The following GHR variants were observed in gnomAD, a reference collection of about 807,000 sequenced individuals.
GHR encodes the protein GH receptor.
GHR carries 35 observed loss-of-function variants against 67.1 expected under a neutral mutation model. The observed-to-expected ratio is 0.52, with a 90% confidence interval of 0.40 to 0.69. The LOEUF (loss-of-function observed/expected upper bound fraction) is 0.69, where lower values mean the gene tolerates loss of function less well. Ranked by LOEUF, GHR falls within the 30% of genes least tolerant of loss-of-function variation. The pLI, the probability that GHR is intolerant of heterozygous loss-of-function variation, is 0.00. For synonymous variants in GHR, 272 were observed against 269.1 expected (o/e 1.01, Z -0.10); for missense variants, 792 against 764.6 (o/e 1.04, Z -0.42).
intron 1 of GHR, chr5:42,548,584 T>G (rs186033022): frequency 1.5e-4 from 102 of 697,018 alleles, no homozygotes; most frequent in Non-Finnish European, 1.5e-4. Flanking sequence ...ATAGTCAGGG[T>G]TTTTTTTTTC....
chr5:42,537,249 A>G (rs1251598360), intron 1 of GHR, among the ~76,000 whole-genome samples: 2 of 152,016 alleles, frequency 1.3e-5, no homozygotes, highest in Admixed American at 6.6e-5. Context: ...GTTTGACCTT[A>G]GAAAGTCACT....
chr5:42,689,395 T>A (rs1757314666), intron 4 of GHR, among the ~76,000 whole-genome samples: 1 of 152,098 alleles, frequency 6.6e-6, no homozygotes, highest in Non-Finnish European at 1.5e-5. Context: ...TGAGAATGTG[T>A]GAGAGTGTGT....
intron 2 of GHR, among the ~76,000 whole-genome samples, chr5:42,598,490 C>T (rs994902573): frequency 3.3e-5 from 5 of 152,192 alleles, no homozygotes; most frequent in African/African-American, 1.2e-4. Flanking sequence ...TATTTCAACA[C>T]TGTGGTCTTT....
At chr5:42,477,013 C>G (rs1185848772) in intron 1 of GHR, among the ~76,000 whole-genome samples, 1 of 149,786 alleles carries the variant, frequency 6.7e-6, no homozygotes, top group Non-Finnish European at 1.5e-5. Flanking sequence ...GGTGTATCTC[C>G]TAATGCTATC....
Position 42,457,153 on chromosome 5 carries a change from T to C in GHR, c.-12+33198T>C, listed in dbSNP as rs140381083. On this transcript the variant is annotated intron_variant, in intron 1 of 9. Transcript: ENST00000230882. ...TGTGGCCTTCATCTTCATGGTTTCTTGCTGTGTCTCTCTGAGAGCAAGTAC... is the reference window on the plus strand; with the variant it reads ...TGTGGCCTTCATCTTCATGGTTTCTCGCTGTGTCTCTCTGAGAGCAAGTAC... Among the ~76,000 whole-genome samples, 575 of 152,324 alleles carry C rather than the reference T, an allele frequency of 3.8e-3. 10 individuals carry two copies. Among genetic ancestry groups the C allele is most frequent in the African/African-American group, 0.013 (544 of 41,574 alleles).
intron 2 of GHR, chr5:42,619,509 C>T (rs1753333106): frequency 6.6e-6 from 1 of 152,214 alleles, no homozygotes; most frequent in African/African-American, 2.4e-5. Context: ...ATGTGTTCAT[C>T]CCCGTACACA....
intron 3 of GHR, 110 bp from the exon 4 acceptor site, chr5:42,688,771 GACACGGAAT>G: frequency 1.0e-6 from 1 of 952,966 alleles, no homozygotes; most frequent in Non-Finnish European, 1.7e-6. Flanking sequence ...TTACCTCCTA[GACACGGAAT>G]ACACTGGCTT....
chr5:42,524,051 A>C (rs1320274559), intron 1 of GHR, among the ~76,000 whole-genome samples: 2 of 152,216 alleles, frequency 1.3e-5, no homozygotes, highest in Admixed American at 1.3e-4. Flanking sequence ...TATCTGCAGC[A>C]TGAAAACAAA....
chr5:42,491,164 G>A (rs777580076), intron 1 of GHR, among the ~76,000 whole-genome samples: 3 of 152,202 alleles, frequency 2.0e-5, no homozygotes, highest in Non-Finnish European at 4.4e-5. Context: ...CATGCCTGAG[G>A]ATCGTTTGCT....
At chr5:42,581,366 A>G (rs1403328904) in intron 2 of GHR, among the ~76,000 whole-genome samples, 1 of 152,186 alleles carries the variant, frequency 6.6e-6, no homozygotes, top group African/African-American at 2.4e-5. Flanking sequence ...TGTGTCTGTT[A>G]TGGAATTGTG....
intron 3 of GHR, among the ~76,000 whole-genome samples, chr5:42,636,471 C>A (rs932814429): frequency 3.3e-5 from 5 of 152,082 alleles, no homozygotes; most frequent in African/African-American, 1.2e-4. Flanking sequence ...TTGGTTGTGA[C>A]CTTTGAGTTC....
At chr5:42,596,381 G>A (rs1193988702) in intron 2 of GHR, among the ~76,000 whole-genome samples, 3 of 152,150 alleles carry the variant, frequency 2.0e-5, no homozygotes, top group Admixed American at 6.5e-5. Context: ...AAAAAGGACA[G>A]TAGCCCAACA....
At position 42,686,932 on chromosome 5, in the gene GHR, T is replaced by C. The variant is rs577819666; in HGVS notation, c.137-1958T>C. On this transcript the variant is annotated intron_variant, in intron 3 of 9. Coordinates refer to ENST00000230882, the MANE Select transcript of GHR (RefSeq NM_000163.5). ...ATGATTGTATATTTAGAAAACCCCATCGTCTCAGCCCAAAATCTCCTTAAG... is the reference window on the plus strand; with the variant it reads ...ATGATTGTATATTTAGAAAACCCCACCGTCTCAGCCCAAAATCTCCTTAAG... Among the ~76,000 whole-genome samples the C allele has an allele frequency of 4.5e-4, 68 of 152,310 alleles. 1 individual carries two copies. Among genetic ancestry groups the C allele is most frequent in the African/African-American group, 1.5e-3 (63 of 41,564 alleles).
At chr5:42,430,995 T>G (rs1450212086) in intron 1 of GHR, among the ~76,000 whole-genome samples, 1 of 152,108 alleles carries the variant, frequency 6.6e-6, no homozygotes, top group Non-Finnish European at 1.5e-5. Flanking sequence ...TGCCAACTAT[T>G]TAACCTTCCT....
chr5:42,428,496 T>C (rs1474080283), intron 1 of GHR, among the ~76,000 whole-genome samples: 1 of 152,250 alleles, frequency 6.6e-6, no homozygotes, highest in African/African-American at 2.4e-5. Flanking sequence ...TCATTACTTA[T>C]GCAAATTTCT....
intron 1 of GHR, among the ~76,000 whole-genome samples, chr5:42,482,571 C>T (rs1745695155): frequency 6.6e-6 from 1 of 152,220 alleles, no homozygotes; most frequent in African/African-American, 2.4e-5. Flanking sequence ...CTAATCAAGT[C>T]TCAGCAATGG....
intron 2 of GHR, among the ~76,000 whole-genome samples, chr5:42,574,084 T>G (rs1750494664): frequency 6.6e-6 from 1 of 152,206 alleles, no homozygotes; most frequent in Admixed American, 6.5e-5. Context: ...GACATATAAT[T>G]TCTTCTCCTC....
At chr5:42,486,133 G>T (rs554679150) in intron 1 of GHR, among the ~76,000 whole-genome samples, 4 of 152,298 alleles carry the variant, frequency 2.6e-5, no homozygotes, top group South Asian at 2.1e-4. Flanking sequence ...CAACACAGCT[G>T]GTCTGAGGAC....
chr5:42,525,548 G>A (rs1405492254), intron 1 of GHR, among the ~76,000 whole-genome samples: 1 of 152,192 alleles, frequency 6.6e-6, no homozygotes, highest in Non-Finnish European at 1.5e-5. Flanking sequence ...TTGGGTTAAT[G>A]CTGAAATGAA....
Sources: allele counts gnomAD v4.1 joint callset (sites outside exome capture counted in the v4.1 genomes callset), GRCh38; gene constraint gnomAD v4.1.1; transcripts MANE v1.5; gene names NCBI Gene and HGNC (gene_info 2026-07-23, HGNC 2026-07-21).